The following OSBPL6 variants were observed in gnomAD, a reference collection of about 807,000 sequenced individuals.
OSBPL6 encodes the protein oxysterol binding protein like 6, also known as oxysterol-binding protein-related protein 6.
OSBPL6 carries 49 observed loss-of-function variants against 125.8 expected under a neutral mutation model. The observed-to-expected ratio is 0.39, with a 90% CI of 0.31 to 0.49. The LOEUF (loss-of-function observed/expected upper bound fraction) is 0.49. Ranked by LOEUF, OSBPL6 falls within the 20% of genes least tolerant of loss-of-function variation. The pLI is 0.88. For missense variants in OSBPL6, 986 were observed against 1,135.4 expected (o/e 0.87, Z 1.89); for synonymous variants, 394 against 391.8 (o/e 1.01, Z -0.07).
intron 1 of OSBPL6, among the ~76,000 whole-genome samples, chr2:178,246,674 G>A (rs1291390244): frequency 1.3e-5 from 2 of 152,046 alleles, no homozygotes; most frequent in African/African-American, 2.4e-5. Context: ...AAAAACCTTG[G>A]TGTCTTCTTC....
At chr2:178,266,334 GACTT>G (rs2092233044) in intron 1 of OSBPL6, among the ~76,000 whole-genome samples, 1 of 152,192 alleles carries the variant, frequency 6.6e-6, no homozygotes, top group African/African-American at 2.4e-5. Flanking sequence ...CTTAGAGTAT[GACTT>G]ACAGTGATTG....
Position 178,328,251 on chromosome 2 carries a change from C to G in OSBPL6, c.196-5C>G. On this transcript the variant is annotated splice_region_variant and splice_polypyrimidine_tract_variant and intron_variant, in intron 4 of 24. Coordinates refer to ENST00000190611, the MANE Select transcript of OSBPL6 (RefSeq NM_032523.4). ...ATGTGATTTGTTTTTCTTCTTTTCTCTCAGGAAGCTGACAGCTGGGAAATT... is the reference window on the plus strand; with the variant it reads ...ATGTGATTTGTTTTTCTTCTTTTCTGTCAGGAAGCTGACAGCTGGGAAATT... 2 of 1,613,010 alleles carry G rather than the reference C, an allele frequency of 1.2e-6. No homozygotes were observed. The highest frequency in any genetic ancestry group is 1.7e-6 in the Non-Finnish European group (2 of 1,179,528).
At chr2:178,284,390 T>TA (rs1684501659) in intron 1 of OSBPL6, among the ~76,000 whole-genome samples, 1 of 152,026 alleles carries the variant, frequency 6.6e-6, no homozygotes. Flanking sequence ...CCATCTCTAC[T>TA]AAAAATAAAA....
intron 2 of OSBPL6, among the ~76,000 whole-genome samples, chr2:178,298,719 T>G (rs1186561806): frequency 6.6e-6 from 1 of 151,396 alleles, no homozygotes; most frequent in Non-Finnish European, 1.5e-5. Context: ...TTTTTTTTTT[T>G]GCCGTACTGT....
Position 178,349,358 on chromosome 2 carries a change from G to T in OSBPL6, c.1122G>T (p.Leu374=). 6.2e-7 allele frequency: 1 copy of T among 1,614,142 alleles called. No individual in the cohort carries two copies. The highest frequency in any genetic ancestry group is 1.1e-5 in the South Asian group (1 of 91,076). The change falls in exon 12 of 25, where the codon CTG becomes CTT. Residue 374 remains leucine (L), a synonymous_variant. Transcript: ENST00000190611. ...AAAGTTCAACAGATTATACAAAGCT[G>T]CAAGAAGAATTTTGTCTAATCGCAC... ...PLESSTDYTK[L]QEEFCLIAQK... is the part of the protein sequence containing the mutation.
chr2:178,320,987 G>A (rs374318427), intron 3 of OSBPL6, among the ~76,000 whole-genome samples: 69 of 152,094 alleles, frequency 4.5e-4, no homozygotes, highest in African/African-American at 1.5e-3. Context: ...GTGAAACCCC[G>A]TCTCTACTAA....
At chr2:178,326,051 C>T (rs1207378448) in intron 4 of OSBPL6, among the ~76,000 whole-genome samples, 1 of 152,110 alleles carries the variant, frequency 6.6e-6, no homozygotes, top group Non-Finnish European at 1.5e-5. Flanking sequence ...CATCACATCT[C>T]ACCATCTCTC....
At chr2:178,278,435 A>C (rs2092514477) in intron 1 of OSBPL6, among the ~76,000 whole-genome samples, 1 of 152,156 alleles carries the variant, frequency 6.6e-6, no homozygotes, top group East Asian at 1.9e-4. Flanking sequence ...TACATAATTG[A>C]CTTACTGTTG....
At chr2:178,234,466 A>G (rs2090966695) in intron 1 of OSBPL6, among the ~76,000 whole-genome samples, 1 of 152,200 alleles carries the variant, frequency 6.6e-6, no homozygotes, top group African/African-American at 2.4e-5. Flanking sequence ...AGATAATTAT[A>G]GATTCACAGG....
chr2:178,264,766 C>G (rs1315432408), intron 1 of OSBPL6, among the ~76,000 whole-genome samples: 1 of 152,076 alleles, frequency 6.6e-6, no homozygotes, highest in African/African-American at 2.4e-5. Flanking sequence ...GGCACAGTGA[C>G]TTTTTAAATA....
intron 1 of OSBPL6, among the ~76,000 whole-genome samples, chr2:178,203,867 C>G (rs185845181): frequency 6.6e-6 from 1 of 152,234 alleles, no homozygotes; most frequent in African/African-American, 2.4e-5. Flanking sequence ...AATCATGAGG[C>G]TTTCTAGTTT....
chr2:178,344,665 T>C (rs1299632441), intron 11 of OSBPL6, among the ~76,000 whole-genome samples: 1 of 92,620 alleles, frequency 1.1e-5, no homozygotes, highest in Non-Finnish European at 2.8e-5. Context: ...TTAAATTATA[T>C]TGTTTTTTTT....
At chr2:178,379,267 AAG>A (rs1363301894) in intron 15 of OSBPL6, among the ~76,000 whole-genome samples, 1 of 147,196 alleles carries the variant, frequency 6.8e-6, no homozygotes, top group Admixed American at 6.8e-5. Flanking sequence ...AAAACAAAGA[AAG>A]AGAAAGAAAG....
intron 1 of OSBPL6, among the ~76,000 whole-genome samples, chr2:178,240,540 T>G (rs1039533361): frequency 6.6e-6 from 1 of 151,734 alleles, no homozygotes; most frequent in African/African-American, 2.4e-5. Flanking sequence ...TGCACTGCAT[T>G]CTGGGCGTCT....
In OSBPL6 at chr2:178,306,286, G is replaced by C. The variant is rs1686753767; in HGVS notation, c.102G>C (p.Gln34His). The C allele has an allele frequency of 1.3e-6, 2 of 1,590,056 alleles. No homozygotes were observed. Among genetic ancestry groups the C allele is most frequent in the Non-Finnish European group, 1.7e-6 (2 of 1,158,258 alleles). The stretch of plus-strand genomic sequence containing the variant: ...CATCCTCCCAAAGGGACAGTAGGCA[G>C]GTAAGAGAAGAGCATTAAGTGCCTT... ...SSTSSQRDSRQSIHILERTAS... is the reference protein window; with the variant it reads ...SSTSSQRDSRHSIHILERTAS... Residue 34 changes from glutamine (Q) to histidine (H), a missense_variant and splice_region_variant, in exon 3 of 25, where the codon CAG becomes CAC. Gln to His is a conservative substitution (Grantham distance 24). Coordinates refer to ENST00000190611, the MANE Select transcript of OSBPL6 (RefSeq NM_032523.4).
intron 3 of OSBPL6, among the ~76,000 whole-genome samples, chr2:178,312,304 G>T (rs1687355325): frequency 6.6e-6 from 1 of 150,954 alleles, no homozygotes; most frequent in Admixed American, 6.6e-5. Context: ...TGGGATTACA[G>T]GTGCACCACC....
At chr2:178,333,096 A>T in intron 8 of OSBPL6, 55 bp downstream of exon 8, 1 of 1,598,802 alleles carries the variant, frequency 6.3e-7, no homozygotes, top group South Asian at 1.1e-5. Flanking sequence ...AATTATGCAA[A>T]TTTTGGCCAG....
At chr2:178,198,891 G>A (rs1174490080) in intron 1 of OSBPL6, among the ~76,000 whole-genome samples, 1 of 152,146 alleles carries the variant, frequency 6.6e-6, no homozygotes, top group Non-Finnish European at 1.5e-5. Flanking sequence ...AAATGACCAA[G>A]GATAATTTAA....
intron 13 of OSBPL6, 108 bp from the exon 14 acceptor site, chr2:178,372,018 A>G: frequency 2.7e-6 from 2 of 752,980 alleles, no homozygotes; most frequent in Non-Finnish European, 4.2e-6. Context: ...CAAAAGTTAG[A>G]GCTAAGAACA....
Sources: gnomAD v4.1 joint callset for allele counts (sites outside exome capture counted in the v4.1 genomes callset) on GRCh38, gnomAD v4.1.1 for gene constraint, MANE v1.5 for transcripts, NCBI Gene and HGNC (gene_info 2026-07-23, HGNC 2026-07-21) for gene names.